The following OOEP variants were observed in gnomAD, a reference collection of about 807,000 sequenced individuals.
The protein encoded by OOEP is oocyte-expressed protein homolog.
OOEP carries 16 observed loss-of-function variants against 13.7 expected under a neutral mutation model. The ratio of observed to expected loss-of-function variants is 1.16; its 90% confidence interval spans 0.79 to 1.77. The LOEUF is 1.77. Ranked by LOEUF, OOEP falls within the 40% of genes most tolerant of loss-of-function variation. The probability of loss-of-function intolerance (pLI) is 0.00; values close to 1 mark genes in which losing one functional copy is unlikely to be tolerated. For missense variants in OOEP, 195 were observed against 193.1 expected (o/e 1.01, Z -0.06); for synonymous variants, 89 against 77.1 (o/e 1.15, Z -0.81).
intron 2 of OOEP, 143 bp from the exon 3 acceptor site, chr6:73,369,006 G>T: frequency 1.2e-6 from 1 of 812,672 alleles, no homozygotes; most frequent in Non-Finnish European, 2.0e-6. Flanking sequence ...GCAGTGATGG[G>T]TCTGAATCTA....
At chr6:73,381,001 T>A (rs1290406670) in intron 2 of OOEP, among the ~76,000 whole-genome samples, 5 of 151,288 alleles carry the variant, frequency 3.3e-5, no homozygotes, top group South Asian at 4.2e-4. Flanking sequence ...ATAATAATAA[T>A]AAAAAAATTT....
At position 73,369,865 on chromosome 6, in the gene OOEP, T is replaced by C. The variant is rs1769020629; in HGVS notation, c.-73A>G. 1.4e-6 allele frequency: 2 copies of C among 1,411,742 alleles called. No individual in the cohort carries two copies. The highest frequency in any genetic ancestry group is 2.0e-6 in the Non-Finnish European group (2 of 1,022,614). 87.5% of individuals were successfully genotyped at this position (1,411,742 alleles called of 1,614,324 possible). A position where few individuals can be genotyped will look rare whatever the true frequency, so the allele number is the denominator to read the frequency against. The stretch of plus-strand genomic sequence containing the variant: ...CCTCTTCCAGACCCAGGCGCGAAGC[T>C]CGGGCTCTCTTTTACCATATTCGAC... On this transcript the variant is annotated 5_prime_UTR_variant, in exon 1 of 3. Transcript: ENST00000370359.
chr6:73,373,903 T>A (rs1029060517), upstream of OOEP, among the ~76,000 whole-genome samples: 1 of 152,016 alleles, frequency 6.6e-6, no homozygotes. Context: ...ATATATTTTT[T>A]AAATATATTT....
chr6:73,394,826 G>C, exon 1 of OOEP: 1 of 1,554,858 alleles, frequency 6.4e-7, no homozygotes, highest in Non-Finnish European at 8.7e-7. Flanking sequence ...GGCTTCCCTG[G>C]CACGCTACTC....
At chr6:73,392,609 C>T (rs1769362257) in intron 2 of OOEP, among the ~76,000 whole-genome samples, 1 of 127,684 alleles carries the variant, frequency 7.8e-6, no homozygotes, top group African/African-American at 2.9e-5. Flanking sequence ...TGGCCTATTT[C>T]CTAGGTAATC....
upstream of OOEP, chr6:73,369,902 C>T (rs1419541436): frequency 2.0e-6 from 2 of 1,016,720 alleles, no homozygotes; most frequent in Non-Finnish European, 1.4e-6. Context: ...CGCTCCGCCC[C>T]TTCCGGCGGC....
At chr6:73,394,605 G>C (rs974661021) in intron 1 of OOEP, 12 of 341,952 alleles carry the variant, frequency 3.5e-5, no homozygotes, top group East Asian at 6.6e-5. Context: ...CGCCTGGAAA[G>C]GAATACACAG....
At chr6:73,390,221 A>C (rs1467824442) in intron 2 of OOEP, among the ~76,000 whole-genome samples, 2 of 152,224 alleles carry the variant, frequency 1.3e-5, no homozygotes, top group African/African-American at 4.8e-5. Context: ...CCCAAACTCA[A>C]GGACATAGCT....
chr6:73,378,957 C>T (rs920791728), intron 2 of OOEP, among the ~76,000 whole-genome samples: 2 of 151,968 alleles, frequency 1.3e-5, no homozygotes, highest in Non-Finnish European at 2.9e-5. Flanking sequence ...GAAATTCAAA[C>T]TTTGAGAAAC....
upstream of OOEP, among the ~76,000 whole-genome samples, chr6:73,371,717 T>G (rs888569512): frequency 3.3e-5 from 5 of 149,488 alleles, no homozygotes; most frequent in Middle Eastern, 3.4e-3. Context: ...ACCATTGCAC[T>G]CCAGCCTGGA....
intron 2 of OOEP, among the ~76,000 whole-genome samples, chr6:73,387,930 G>A (rs921827987): frequency 1.3e-5 from 2 of 152,136 alleles, no homozygotes; most frequent in Admixed American, 6.6e-5. Context: ...GTGCAGTAGC[G>A]CAATCTGGGC....
At position 73,394,580 on chromosome 6, in the gene OOEP, T is replaced by C. The variant is rs1462645321; in HGVS notation, c.-118-92A>G. 3.2e-5 allele frequency: 12 copies of C among 380,058 alleles called. No individual in the cohort carries two copies. The East Asian group carries it at 5.0e-4, about 16-fold the overall frequency. The allele number at this position is 380,058 out of a possible 1,614,324, so 23.5% of individuals were successfully genotyped here. ...GTAGGGGAGGGAGCAAATTGGGCGT[T>C]TGGAAAAAGTCCCACGCCTGGAAAG... On this transcript the variant is annotated intron_variant, in intron 1 of 3. Transcript: ENST00000370363.
chr6:73,381,261 C>G (rs951664339), intron 2 of OOEP, among the ~76,000 whole-genome samples: 1 of 140,174 alleles, frequency 7.1e-6, no homozygotes, highest in Non-Finnish European at 1.6e-5. Flanking sequence ...GAGTAAGTTC[C>G]AGAACATAAA....
At chr6:73,371,325 A>G (rs577669309), upstream of OOEP, among the ~76,000 whole-genome samples, 14 of 152,192 alleles carry the variant, frequency 9.2e-5, no homozygotes, top group East Asian at 1.9e-3. Context: ...TAACCTGGCC[A>G]GGCAAGGTGG....
chr6:73,368,811 G>C lies in OOEP; in HGVS notation c.423C>G (p.Pro141=). 6.2e-7 allele frequency: 1 copy of C among 1,613,342 alleles called. No homozygotes were observed. The highest frequency in any genetic ancestry group is 1.1e-5 in the South Asian group (1 of 91,058). The change falls in exon 3 of 3, where the codon CCC becomes CCG. Residue 141 remains proline, a synonymous_variant. Coordinates refer to ENST00000370359, the MANE Select transcript of OOEP (RefSeq NM_001080507.3). ...EKNLKAHASD[P]HSPQDPVA ...AAGCAACAGGATCCTGGGGAGAGTGGGGGTCTGATGCATGGGCCTTCAAGT... is the reference window on the plus strand; with the variant it reads ...AAGCAACAGGATCCTGGGGAGAGTGCGGGTCTGATGCATGGGCCTTCAAGT...
At chr6:73,371,206 C>T (rs1769048841), upstream of OOEP, among the ~76,000 whole-genome samples, 2 of 152,218 alleles carry the variant, frequency 1.3e-5, no homozygotes, top group East Asian at 1.9e-4. Flanking sequence ...ATCCCACCCC[C>T]TCTCACCCTC....
intron 2 of OOEP, among the ~76,000 whole-genome samples, chr6:73,382,498 G>C (rs1462351913): frequency 6.6e-6 from 1 of 151,246 alleles, no homozygotes; most frequent in Non-Finnish European, 1.5e-5. Context: ...TTATAAGCAT[G>C]AGCCACTGTG....
exon 1 of OOEP, chr6:73,394,842 A>G (rs1189193604): frequency 7.6e-6 from 12 of 1,579,228 alleles, no homozygotes; most frequent in Non-Finnish European, 1.0e-5. Context: ...TACTCTTACG[A>G]CGTCACGGTC....
chr6:73,386,977 GAAAAAAA>G (rs1169476638), intron 2 of OOEP, among the ~76,000 whole-genome samples: 1 of 30,868 alleles, frequency 3.2e-5, no homozygotes, highest in Non-Finnish European at 5.8e-5. Context: ...TTCCATCTCA[GAAAAAAA>G]AAAAAAAAAA....
Sources: gnomAD v4.1 joint callset for allele counts (sites outside exome capture counted in the v4.1 genomes callset) on GRCh38, gnomAD v4.1.1 for gene constraint, MANE v1.5 for transcripts, NCBI Gene and HGNC (gene_info 2026-07-23, HGNC 2026-07-21) for gene names.